ESRRG: variants seen among roughly 807,000 people sequenced by gnomAD.
The protein encoded by ESRRG is estrogen-related receptor gamma.
ESRRG carries 13 observed loss-of-function variants against 44.0 expected under a neutral mutation model. The observed-to-expected ratio is 0.30, with a 90% CI of 0.19 to 0.47. ESRRG has a LOEUF of 0.47. ESRRG is among the 20% of genes least tolerant of loss of function. The pLI is 1.00. For synonymous variants in ESRRG, 215 were observed against 214.6 expected (o/e 1.00, Z -0.02); for missense variants, 395 against 580.6 (o/e 0.68, Z 3.29).
chr1:216,555,929 A>AG (rs2149441826), intron 5 of ESRRG, among the ~76,000 whole-genome samples: 1 of 152,244 alleles, frequency 6.6e-6, no homozygotes, highest in Admixed American at 6.6e-5. Context: ...AAGTGCGACC[A>AG]GCCCACTGAA....
chr1:216,747,019 A>G (rs567733003), intron 2 of ESRRG, among the ~76,000 whole-genome samples: 1 of 152,182 alleles, frequency 6.6e-6, no homozygotes. Context: ...CAAAGAACTC[A>G]TAAAACAGGC....
chr1:217,034,941 C>T (rs192315833), intron 1 of ESRRG, among the ~76,000 whole-genome samples: 535 of 152,260 alleles, frequency 3.5e-3, no homozygotes, highest in Admixed American at 5.5e-3. Flanking sequence ...ATAACGCCTT[C>T]TAGGTATCTA....
intron 1 of ESRRG, among the ~76,000 whole-genome samples, chr1:216,706,689 AT>A (rs1456216581): frequency 6.6e-6 from 1 of 152,194 alleles, no homozygotes; most frequent in Non-Finnish European, 1.5e-5. Context: ...CTCTCGAGAT[AT>A]TTCTGGCATA....
chr1:216,908,604 T>C (rs1257582982), intron 2 of ESRRG, among the ~76,000 whole-genome samples: 2 of 152,206 alleles, frequency 1.3e-5, no homozygotes, highest in Non-Finnish European at 2.9e-5. Context: ...TCAGAGGTTT[T>C]AGATTATACC....
intron 1 of ESRRG, among the ~76,000 whole-genome samples, chr1:217,084,351 T>G (rs1318433081): frequency 6.6e-6 from 1 of 152,188 alleles, no homozygotes; most frequent in Non-Finnish European, 1.5e-5. Flanking sequence ...GTTGTGAGTA[T>G]TTTACATATA....
At chr1:216,563,654 G>T (rs1379654383) in intron 5 of ESRRG, among the ~76,000 whole-genome samples, 1 of 152,048 alleles carries the variant, frequency 6.6e-6, no homozygotes, top group Non-Finnish European at 1.5e-5. Context: ...AAAAAGAAGA[G>T]AAATATTTTT....
rs186712886 is a variant in ESRRG, at chr1:216,923,509, G to A, written c.-14+16073C>T. On this transcript the variant is annotated intron_variant, in intron 2 of 7. Coordinates refer to the ESRRG transcript ENST00000359162. ...GGAAAGGATTAGAAATGAGAACCATGGTGCCTGTTACTCCATAGTTCTGCA... is the reference window on the plus strand; with the variant it reads ...GGAAAGGATTAGAAATGAGAACCATAGTGCCTGTTACTCCATAGTTCTGCA... Among the ~76,000 whole-genome samples, 267 of 152,140 alleles carry A rather than the reference G, an allele frequency of 1.8e-3. 6 individuals are homozygous for A. The highest frequency in any genetic ancestry group is 0.016 in the Admixed American group (239 of 15,286).
chr1:216,926,624 G>C (rs2062617832), intron 2 of ESRRG, among the ~76,000 whole-genome samples: 1 of 152,154 alleles, frequency 6.6e-6, no homozygotes, highest in Admixed American at 6.5e-5. Context: ...AAATCAACTA[G>C]CTACTTTTTT....
At chr1:216,793,498 C>A (rs1358382575) in intron 2 of ESRRG, among the ~76,000 whole-genome samples, 2 of 152,078 alleles carry the variant, frequency 1.3e-5, no homozygotes, top group African/African-American at 4.8e-5. Flanking sequence ...GAACTGAGAC[C>A]TCCAGCTACA....
At chr1:217,106,081 C>T (rs1283575382) in intron 1 of ESRRG, among the ~76,000 whole-genome samples, 1 of 151,996 alleles carries the variant, frequency 6.6e-6, no homozygotes, top group Admixed American at 6.6e-5. Flanking sequence ...CACTTAATTG[C>T]CATAAATAAA....
intron 3 of ESRRG, 47 bp downstream of exon 3, chr1:216,650,925 TC>T (rs1559027876): frequency 8.1e-7 from 1 of 1,233,926 alleles, no homozygotes; most frequent in East Asian, 2.3e-5. Flanking sequence ...TTGCCTCCCA[TC>T]CCCACAGCAA....
chr1:216,971,692 A>C (rs1431081844), intron 1 of ESRRG, among the ~76,000 whole-genome samples: 1 of 152,220 alleles, frequency 6.6e-6, no homozygotes, highest in African/African-American at 2.4e-5. Context: ...CTTCAGGAAA[A>C]CAGCTAAATA....
chr1:216,601,371 C>T (rs923833452), intron 3 of ESRRG, among the ~76,000 whole-genome samples: 1 of 152,138 alleles, frequency 6.6e-6, no homozygotes. Flanking sequence ...AAACAGAAAC[C>T]AAAGCCCGCT....
chr1:216,894,731 C>T (rs1318104485), intron 2 of ESRRG, among the ~76,000 whole-genome samples: 1 of 152,072 alleles, frequency 6.6e-6, no homozygotes, highest in South Asian at 2.1e-4. Context: ...CCAGAGAACA[C>T]GGTCAAGTGG....
chr1:216,583,396 G>T (rs550275061), intron 3 of ESRRG, among the ~76,000 whole-genome samples: 1 of 152,180 alleles, frequency 6.6e-6, no homozygotes, highest in Non-Finnish European at 1.5e-5. Flanking sequence ...TTCTCTCAAT[G>T]TATGTATTTC....
At chr1:216,679,131 G>C (rs1293225048) in intron 1 of ESRRG, among the ~76,000 whole-genome samples, 1 of 152,152 alleles carries the variant, frequency 6.6e-6, no homozygotes, top group Non-Finnish European at 1.5e-5. Context: ...AAATAGGAAG[G>C]CGAAAGCCAC....
intron 1 of ESRRG, among the ~76,000 whole-genome samples, chr1:217,011,669 C>G (rs2078641175): frequency 6.6e-6 from 1 of 152,154 alleles, no homozygotes; most frequent in South Asian, 2.1e-4. Flanking sequence ...ATAATGTCCA[C>G]ATATGCACAA....
chr1:216,949,074 C>A (rs2066536537), intron 1 of ESRRG, among the ~76,000 whole-genome samples: 1 of 152,152 alleles, frequency 6.6e-6, no homozygotes, highest in Admixed American at 6.6e-5. Context: ...GCTCTGCCTT[C>A]CCAACACCTT....
At chr1:216,761,925 G>T (rs2092799434) in intron 2 of ESRRG, among the ~76,000 whole-genome samples, 2 of 152,026 alleles carry the variant, frequency 1.3e-5, no homozygotes, top group African/African-American at 4.8e-5. Flanking sequence ...TTCTCCAGTT[G>T]TCTGACTCTC....
Sources: allele counts gnomAD v4.1 joint callset (sites outside exome capture counted in the v4.1 genomes callset), GRCh38; gene constraint gnomAD v4.1.1; transcripts MANE v1.5; gene names NCBI Gene and HGNC (gene_info 2026-07-23, HGNC 2026-07-21).